Variants in ATP8B1 observed in about 807,000 individuals in gnomAD.
The protein encoded by ATP8B1 is phospholipid-transporting ATPase IC.
ATP8B1 carries 80 observed loss-of-function variants against 149.9 expected under a neutral mutation model. That is an observed-to-expected ratio of 0.53 (90% confidence interval 0.45 to 0.64). The LOEUF (loss-of-function observed/expected upper bound fraction) is 0.64, where lower values mean the gene tolerates loss of function less well. ATP8B1 is among the 30% of genes least tolerant of loss of function. The pLI, the probability that ATP8B1 is intolerant of heterozygous loss-of-function variation, is 0.00. For synonymous variants in ATP8B1, 536 were observed against 562.8 expected (o/e 0.95, Z 0.67); for missense variants, 1,247 against 1,552.6 (o/e 0.80, Z 3.31).
intron 16 of ATP8B1, among the ~76,000 whole-genome samples, chr18:57,674,228 C>A (rs1251668959): frequency 1.9e-4 from 16 of 86,438 alleles, no homozygotes; most frequent in African/African-American, 5.4e-4. Flanking sequence ...GGTGACGGAG[C>A]AAGACTCCAT....
chr18:57,706,378 C>A, intron 3 of ATP8B1, 112 bp downstream of exon 3: 1 of 802,794 alleles, frequency 1.2e-6, no homozygotes, highest in Non-Finnish European at 2.1e-6. Context: ...TTATCAGTAG[C>A]CCCAGGCAGG....
rs1276579379 is a variant in ATP8B1 at position 57,685,097 on chromosome 18, G to A, written c.1448C>T (p.Ser483Phe). The A allele has an allele frequency of 1.2e-6, 2 of 1,614,180 alleles. No homozygotes were observed. Among genetic ancestry groups the A allele is most frequent in the Non-Finnish European group, 1.7e-6 (2 of 1,180,020 alleles). ...GQIYGDHRDA[S>F]QHNHNKIEQV... ...CTCTATTTTGTTGTGGTTGTGTTGA[G>A]AGGCATCCCGATGGTCCCCTGAGAA... The change falls in exon 14 of 28, where the codon TCT (serine) becomes TTT (phenylalanine). Residue 483 changes from serine (S) to phenylalanine (F), a missense_variant. Physicochemically the swap from Ser to Phe is radical, Grantham distance 155. This residue lies in a region of ATP8B1 where 853 missense variants were observed against 1,035.7 expected (regional missense o/e 0.82). Transcript: ENST00000648908.
chr18:57,672,915 T>C lies in ATP8B1; in HGVS notation c.1820-1335A>G, dbSNP rs1568189282. 1.4e-3 allele frequency among the ~76,000 whole-genome samples: 83 copies of C among 58,304 alleles called. 6 individuals are homozygous for C. In the East Asian group the frequency reaches 0.026, roughly 18 times the overall value. 38.2% of individuals were successfully genotyped at this position (58,304 alleles called of 152,430 possible). On this transcript the variant is annotated intron_variant, in intron 16 of 27. Coordinates refer to ENST00000648908, the MANE Select transcript of ATP8B1 (RefSeq NM_001374385.1). ...ATATATATATATATATATATATATA[T>C]ATATATATATATATATAACATGTAT...
chr18:57,714,437 G>A (rs1357502061), intron 2 of ATP8B1, among the ~76,000 whole-genome samples: 1 of 152,100 alleles, frequency 6.6e-6, no homozygotes, highest in African/African-American at 2.4e-5. Context: ...TGGTTACAGT[G>A]GGCCATGGCG....
intron 1 of ATP8B1, among the ~76,000 whole-genome samples, chr18:57,792,885 T>C (rs1371502390): frequency 6.6e-6 from 1 of 152,008 alleles, no homozygotes; most frequent in Non-Finnish European, 1.5e-5. Context: ...GGCTTGTGAG[T>C]GGCAATAGCT....
intron 6 of ATP8B1, among the ~76,000 whole-genome samples, chr18:57,699,104 C>G (rs991536343): frequency 1.3e-5 from 2 of 152,140 alleles, no homozygotes; most frequent in Admixed American, 6.6e-5. Context: ...AGGCTTCAGG[C>G]AGAACTGCAA....
intron 15 of ATP8B1, among the ~76,000 whole-genome samples, chr18:57,683,335 C>T (rs750897502): frequency 6.6e-6 from 1 of 152,186 alleles, no homozygotes; most frequent in Non-Finnish European, 1.5e-5. Flanking sequence ...ACTCCTTTTG[C>T]TCTTTCTATA....
chr18:57,743,785 C>T (rs1222096030), intron 1 of ATP8B1, among the ~76,000 whole-genome samples: 1 of 152,066 alleles, frequency 6.6e-6, no homozygotes, highest in Non-Finnish European at 1.5e-5. Flanking sequence ...GTTAGAGGGC[C>T]CATGGAAGGT....
chr18:57,672,451 G>A (rs748955925), intron 16 of ATP8B1, among the ~76,000 whole-genome samples: 1 of 152,212 alleles, frequency 6.6e-6, no homozygotes, highest in Non-Finnish European at 1.5e-5. Flanking sequence ...TAAGGAGGGT[G>A]TAATAGTTAA....
At chr18:57,659,569 A>G (rs17686020) in intron 22 of ATP8B1, among the ~76,000 whole-genome samples, 16,144 of 152,000 alleles carry the variant, frequency 0.11, 1,119 homozygotes, top group South Asian at 0.18. Context: ...GTAATGGAAA[A>G]TAAACTAGAG....
At chr18:57,716,928 G>A (rs1487971876) in intron 2 of ATP8B1, among the ~76,000 whole-genome samples, 1 of 152,080 alleles carries the variant, frequency 6.6e-6, no homozygotes, top group Non-Finnish European at 1.5e-5. Flanking sequence ...TTAAGTCACA[G>A]AACGAGTCTT....
intron 1 of ATP8B1, among the ~76,000 whole-genome samples, chr18:57,754,283 CA>C (rs2080055678): frequency 6.6e-6 from 1 of 151,810 alleles, no homozygotes; most frequent in African/African-American, 2.4e-5. Context: ...ACTAAAAATA[CA>C]AAACTTAGCC....
Position 57,737,575 on chromosome 18 carries a change from TTTC to T in ATP8B1, c.-25-5746_-25-5744del, listed in dbSNP as rs1204811047. On this transcript the variant is annotated intron_variant, in intron 1 of 27. Transcript: ENST00000648908. The stretch of plus-strand genomic sequence containing the variant: ...GCTTTTTTTTTCTTTCTTTTCTTTC[TTTC>T]TTTTTTTTAAAGAGATAGGCTCTCC... Among the ~76,000 whole-genome samples, 103 of 10,438 alleles carry T rather than the reference TTTC, an allele frequency of 9.9e-3. 1 individual carries two copies. The South Asian group carries it at 0.25, about 25-fold the overall frequency. The allele number at this position is 10,438 out of a possible 152,430, so 6.8% of individuals were successfully genotyped here.
intron 15 of ATP8B1, among the ~76,000 whole-genome samples, chr18:57,679,703 C>T (rs532742933): frequency 1.3e-3 from 191 of 152,256 alleles, no homozygotes; most frequent in African/African-American, 4.5e-3. Context: ...CTCACTTTGT[C>T]GCCCAGGCTG....
chr18:57,795,307 G>C (rs541893020), intron 1 of ATP8B1, among the ~76,000 whole-genome samples: 7 of 152,156 alleles, frequency 4.6e-5, no homozygotes, highest in African/African-American at 1.7e-4. Context: ...GGAGGCTGAA[G>C]CGGGAGGATG....
At chr18:57,698,978 T>C (rs1912974149) in intron 6 of ATP8B1, among the ~76,000 whole-genome samples, 1 of 152,232 alleles carries the variant, frequency 6.6e-6, no homozygotes, top group Admixed American at 6.5e-5. Flanking sequence ...TTCTCAAGGA[T>C]ACTGTCCTGC....
chr18:57,802,054 GC>G lies in ATP8B1; in HGVS notation c.-26+943del, dbSNP rs56215104. 46,166 of 130,800 alleles carry G rather than the reference GC, an allele frequency of 0.35. 8,761 individuals are homozygous for G. Among genetic ancestry groups the G allele is most frequent in the East Asian group, 0.76 (3,669 of 4,798 alleles). The allele number at this position is 130,800 out of a possible 1,614,324, so 8.1% of individuals were successfully genotyped here. ...GTCACGGATCTGCGCTCCGAGCACC[GC>G]CCCCCCCCGCAACCAGCCACCAACC... is the stretch of plus-strand genomic sequence containing the variant. On this transcript the variant is annotated intron_variant, in intron 1 of 27. Transcript: ENST00000648908. The surrounding 1 kb of genome is among the most constrained non-coding windows in gnomAD (Gnocchi z 4.9).
At chr18:57,750,104 A>C (rs2080001847) in intron 1 of ATP8B1, among the ~76,000 whole-genome samples, 1 of 152,124 alleles carries the variant, frequency 6.6e-6, no homozygotes, top group African/African-American at 2.4e-5. Flanking sequence ...TTATCCAGGC[A>C]TGGTGGCGTG....
At chr18:57,745,082 A>G (rs1390402096) in intron 1 of ATP8B1, among the ~76,000 whole-genome samples, 1 of 152,210 alleles carries the variant, frequency 6.6e-6, no homozygotes, top group East Asian at 1.9e-4. Flanking sequence ...GACACTATTC[A>G]ATGTTTTCAA....
Sources: gnomAD v4.1 joint callset for allele counts (sites outside exome capture counted in the v4.1 genomes callset) on GRCh38, gnomAD v4.1.1 for gene constraint, gnomAD v4.1.1 regional missense constraint, Gnocchi (gnomAD v3.1) non-coding constraint, MANE v1.5 for transcripts, NCBI Gene and HGNC (gene_info 2026-07-23, HGNC 2026-07-21) for gene names.